Variants in TEX26 observed in about 807,000 individuals in gnomAD.
TEX26 encodes the protein testis expressed 26, also known as testis-expressed protein 26.
TEX26 carries 34 observed loss-of-function variants against 35.3 expected under a neutral mutation model. That is an observed-to-expected ratio of 0.96 (90% CI 0.73 to 1.28). The LOEUF is 1.28. Ranked by LOEUF, TEX26 falls within the 50% of genes most tolerant of loss-of-function variation. The probability of loss-of-function intolerance (pLI) is 0.00; values close to 1 mark genes in which losing one functional copy is unlikely to be tolerated. For synonymous variants in TEX26, 136 were observed against 111.8 expected (o/e 1.22, Z -1.36); for missense variants, 371 against 330.1 (o/e 1.12, Z -0.96).
chr13:30,956,860 T>G lies in TEX26; in HGVS notation c.313-13T>G, dbSNP rs1437267871. 6.2e-7 allele frequency: 1 copy of G among 1,612,072 alleles called. No homozygotes were observed. Among genetic ancestry groups the G allele is most frequent in the African/African-American group, 1.3e-5 (1 of 74,824 alleles). On this transcript the variant is annotated splice_polypyrimidine_tract_variant and intron_variant, in intron 3 of 6. Transcript: ENST00000380473. ...CATATGGATTTTCTTGAAAATTATGTTTGCTTTGATAGGACATTTTCCTGT... is the reference window on the plus strand; with the variant it reads ...CATATGGATTTTCTTGAAAATTATGGTTGCTTTGATAGGACATTTTCCTGT...
intron 1 of TEX26, chr13:30,936,907 A>C (rs937698062): frequency 7.1e-6 from 7 of 985,446 alleles, no homozygotes; most frequent in Non-Finnish European, 8.4e-6. Flanking sequence ...CTCAATGAAC[A>C]TTTCTGTTAA....
At position 30,939,662 on chromosome 13, in the gene TEX26, C is replaced by T. The variant is rs78378687; in HGVS notation, c.62-32C>T. The T allele has an allele frequency of 6.0e-3, 9,234 of 1,541,866 alleles. 479 individuals are homozygous for T. The East Asian group carries it at 0.13, about 22-fold the overall frequency. On this transcript the variant is annotated intron_variant, in intron 1 of 6. Coordinates refer to ENST00000380473, the MANE Select transcript of TEX26 (RefSeq NM_152325.3). ...CATTTCTTCAAAATATTCTGGTTTG[C>T]CATATTTAAAACTGCTTTATTGTAC...
intron 5 of TEX26, among the ~76,000 whole-genome samples, chr13:30,966,635 T>A (rs1156780537): frequency 6.6e-6 from 1 of 152,030 alleles, no homozygotes; most frequent in African/African-American, 2.4e-5. Flanking sequence ...GATGGGATTT[T>A]GCCATGTTGG....
intron 5 of TEX26, among the ~76,000 whole-genome samples, chr13:30,967,849 C>A (rs1272516397): frequency 1.3e-5 from 2 of 152,024 alleles, no homozygotes; most frequent in South Asian, 2.1e-4. Context: ...CACCTCAGAC[C>A]CCCATTAGTC....
At chr13:30,938,233 T>C (rs1025577348) in intron 1 of TEX26, among the ~76,000 whole-genome samples, 8 of 152,310 alleles carry the variant, frequency 5.3e-5, no homozygotes, top group African/African-American at 1.9e-4. Flanking sequence ...TGTATATTCC[T>C]GAGAAATTTG....
At chr13:30,973,983 T>C (rs1391334757) in intron 6 of TEX26, among the ~76,000 whole-genome samples, 1 of 151,452 alleles carries the variant, frequency 6.6e-6, no homozygotes, top group African/African-American at 2.4e-5. Flanking sequence ...TAGCTGGGCA[T>C]GGTGGTTCAT....
chr13:30,959,458 T>G (rs1954256815), intron 4 of TEX26, among the ~76,000 whole-genome samples: 1 of 152,258 alleles, frequency 6.6e-6, no homozygotes, highest in Admixed American at 6.5e-5. Flanking sequence ...CCATCCATCA[T>G]GTCAATATAA....
Position 30,932,703 on chromosome 13 carries a change from C to G in TEX26, c.-13C>G. The G allele has an allele frequency of 6.2e-7, 1 of 1,612,352 alleles. No homozygotes were observed. The highest frequency in any genetic ancestry group is 8.5e-7 in the Non-Finnish European group (1 of 1,179,600). On this transcript the variant is annotated 5_prime_UTR_variant, in exon 1 of 7. Transcript: ENST00000380473. ...GCTGGAGCCAGGGCCCCGCGGCCGC[C>G]TCCTGGGGCAGAATGGAACAGCCTG...
intron 5 of TEX26, 101 bp from the exon 6 acceptor site, chr13:30,968,784 C>A: frequency 1.8e-6 from 2 of 1,116,610 alleles, no homozygotes; most frequent in Non-Finnish European, 2.6e-6. Flanking sequence ...AAGCTCAAAG[C>A]TGGGCTGGGG....
rs561622635 is a variant in TEX26 at position 30,951,371 on chromosome 13, A to G, written c.147-1289A>G. Among the ~76,000 whole-genome samples the G allele has an allele frequency of 2.8e-3, 397 of 142,940 alleles. 1 individual carries two copies. The highest frequency in any genetic ancestry group is 5.1e-3 in the Non-Finnish European group (327 of 64,516). The allele number at this position is 142,940 out of a possible 152,430, so 93.8% of individuals were successfully genotyped here. ...ACTCTGTCTCAAAAAAAAAAAAAAAAGCTATTTGTGCTGTGTCCCGTCCCT... is the reference window on the plus strand; with the variant it reads ...ACTCTGTCTCAAAAAAAAAAAAAAAGGCTATTTGTGCTGTGTCCCGTCCCT... On this transcript the variant is annotated intron_variant, in intron 2 of 6. Transcript: ENST00000380473.
At chr13:30,934,188 G>T (rs547901536) in intron 1 of TEX26, among the ~76,000 whole-genome samples, 1 of 152,172 alleles carries the variant, frequency 6.6e-6, no homozygotes. Context: ...TGATCACCAG[G>T]TCTCTTTGAT....
chr13:30,966,406 C>G lies in TEX26; in HGVS notation c.646+8C>G, dbSNP rs1566165903. Reference sequence around the variant, plus strand: ...TTGCTTCTCAGGGTCTAGGTGAGTACAGCTGCAGTTTCTTTTTCTTTTTCT... The same window carrying G: ...TTGCTTCTCAGGGTCTAGGTGAGTAGAGCTGCAGTTTCTTTTTCTTTTTCT... On this transcript the variant is annotated splice_region_variant and intron_variant, in intron 5 of 6. Transcript: ENST00000380473. The G allele has an allele frequency of 2.8e-6, 4 of 1,411,264 alleles. No homozygotes were observed. The highest frequency in any genetic ancestry group is 3.9e-6 in the Non-Finnish European group (4 of 1,027,666). The allele number at this position is 1,411,264 out of a possible 1,614,324, so 87.4% of individuals were successfully genotyped here.
chr13:30,934,747 A>G (rs1245448896), intron 1 of TEX26, among the ~76,000 whole-genome samples: 1 of 152,096 alleles, frequency 6.6e-6, no homozygotes, highest in Non-Finnish European at 1.5e-5. Flanking sequence ...CTGTGCCGCT[A>G]CAGCCGCCCA....
intron 4 of TEX26, 33 bp from the exon 5 acceptor site, chr13:30,966,185 GGAGT>G: frequency 6.2e-7 from 1 of 1,611,908 alleles, no homozygotes; most frequent in Non-Finnish European, 8.5e-7. Flanking sequence ...TTGTTCACAA[GGAGT>G]AAGTATTGCC....
At chr13:30,942,714 T>A (rs959060319) in intron 2 of TEX26, among the ~76,000 whole-genome samples, 5 of 152,162 alleles carry the variant, frequency 3.3e-5, no homozygotes, top group African/African-American at 1.2e-4. Context: ...TAGCCAATTT[T>A]CCCGGCACCA....
At chr13:30,955,488 A>G (rs998939016) in intron 3 of TEX26, among the ~76,000 whole-genome samples, 1 of 152,236 alleles carries the variant, frequency 6.6e-6, no homozygotes, top group Admixed American at 6.5e-5. Context: ...TGTGAGGGAA[A>G]GAAGGGAATC....
chr13:30,961,540 C>T (rs1372092051), intron 4 of TEX26, among the ~76,000 whole-genome samples: 2 of 48,702 alleles, frequency 4.1e-5, no homozygotes. Context: ...TTTCCATTTT[C>T]TAAAAAAATG....
rs1270174702 is a variant in TEX26, at chr13:30,952,787, T to C, written c.274T>C (p.Ser92Pro). The change falls in exon 3 of 7, where the codon TCA (serine) becomes CCA (proline). Residue 92 changes from serine (S) to proline (P), a missense_variant. By Grantham distance (74) the Ser-to-Pro change is moderately conservative. Coordinates refer to ENST00000380473, the MANE Select transcript of TEX26 (RefSeq NM_152325.3). Reference sequence around the variant, plus strand: ...AGAAGATTTGATCAAAACTGAGACTTCAAGAGGAATCAAGAGCCACAAATC... The same window carrying C: ...AGAAGATTTGATCAAAACTGAGACTCCAAGAGGAATCAAGAGCCACAAATC... ...SKEDLIKTET[S>P]RGIKSHKSHL... The C allele has an allele frequency of 6.2e-7, 1 of 1,612,872 alleles. No individual in the cohort carries two copies. The highest frequency in any genetic ancestry group is 2.2e-5 in the East Asian group (1 of 44,704).
intron 6 of TEX26, among the ~76,000 whole-genome samples, chr13:30,970,843 C>T (rs539053929): frequency 6.6e-6 from 1 of 152,330 alleles, no homozygotes; most frequent in South Asian, 2.1e-4. Flanking sequence ...CTCCAAGATA[C>T]TGGGGTAAGC....
Sources: gnomAD v4.1 joint callset for allele counts (sites outside exome capture counted in the v4.1 genomes callset) on GRCh38, gnomAD v4.1.1 for gene constraint, MANE v1.5 for transcripts, NCBI Gene and HGNC (gene_info 2026-07-23, HGNC 2026-07-21) for gene names.